The following CACNA2D4 variants were observed in gnomAD, a reference collection of about 807,000 sequenced individuals.
The protein encoded by CACNA2D4 is calcium voltage-gated channel auxiliary subunit alpha2delta 4, also known as voltage-dependent calcium channel subunit alpha-2/delta-4.
CACNA2D4 carries 157 observed loss-of-function variants against 163.8 expected under a neutral mutation model. The ratio of observed to expected loss-of-function variants is 0.96; its 90% CI spans 0.84 to 1.09. The LOEUF (loss-of-function observed/expected upper bound fraction) is 1.09, where lower values mean the gene tolerates loss of function less well. CACNA2D4 is among the 50% of genes least tolerant of loss of function. CACNA2D4 has a pLI of 0.00. For synonymous variants in CACNA2D4, 598 were observed against 586.9 expected, an observed-to-expected ratio of 1.02 and a Z score of -0.27; for missense variants, 1,410 against 1,479.9, an observed-to-expected ratio of 0.95 and a Z score of 0.78.
At chr12:1,832,295 T>C (rs1156920898) in intron 26 of CACNA2D4, among the ~76,000 whole-genome samples, 1 of 152,224 alleles carries the variant, frequency 6.6e-6, no homozygotes, top group African/African-American at 2.4e-5. Flanking sequence ...GGGCCTGGTC[T>C]GTAAAGTGGG....
At chr12:1,881,746 T>C (rs1248299324) in intron 13 of CACNA2D4, among the ~76,000 whole-genome samples, 2 of 152,252 alleles carry the variant, frequency 1.3e-5, no homozygotes, top group African/African-American at 4.8e-5. Flanking sequence ...AGCTCGTCTC[T>C]TCTCAGCAGC....
chr12:1,854,056 A>T lies in CACNA2D4; in HGVS notation c.2153-12T>A. 2 of 1,595,866 alleles carry T rather than the reference A, an allele frequency of 1.3e-6. No homozygotes were observed. Among genetic ancestry groups the T allele is most frequent in the Non-Finnish European group, 1.7e-6 (2 of 1,168,704 alleles). On this transcript the variant is annotated splice_polypyrimidine_tract_variant and intron_variant, in intron 22 of 37. Transcript: ENST00000382722. ...CAGCTCCTCGTCACCTGGGTGCAAA[A>T]CATCAGGGAACCAGGCCACATGCTT... is the stretch of plus-strand genomic sequence containing the variant.
intron 6 of CACNA2D4, among the ~76,000 whole-genome samples, chr12:1,898,677 C>CTGTGTGTGTGTG (rs148994217): frequency 4.0e-5 from 6 of 149,298 alleles, no homozygotes; most frequent in African/African-American, 1.2e-4. Context: ...TCCCACAACT[C>CTGTGTGTGTGTG]TGTGTGTGTG....
Position 1,837,519 on chromosome 12 carries a change from G to T in CACNA2D4, c.2551+3220C>A, listed in dbSNP as rs149686617. On this transcript the variant is annotated intron_variant, in intron 26 of 37. Transcript: ENST00000382722. ...AGCCCCACTGAAGAGCGAGCTCAACGCCCGGCCCGAGAACCCCCTCCTCAG... is the reference window on the plus strand; with the variant it reads ...AGCCCCACTGAAGAGCGAGCTCAACTCCCGGCCCGAGAACCCCCTCCTCAG... 3.7e-3 allele frequency among the ~76,000 whole-genome samples: 567 copies of T among 152,218 alleles called. 14 individuals are homozygous for T. In the South Asian group the frequency reaches 0.045, roughly 12 times the overall value.
At chr12:1,864,885 G>A (rs937685088) in intron 18 of CACNA2D4, among the ~76,000 whole-genome samples, 3 of 152,236 alleles carry the variant, frequency 2.0e-5, no homozygotes, top group Non-Finnish European at 2.9e-5. Flanking sequence ...AGGAAGAGTC[G>A]TATTCAGCTG....
At position 1,815,369 on chromosome 12, in the gene CACNA2D4, G is replaced by A. The variant is rs572596207; in HGVS notation, c.2552-3646C>T. On this transcript the variant is annotated intron_variant, in intron 26 of 37. Transcript: ENST00000382722. ...TGCCCTTCCCCTAGAACTTTACATGGCTGGCTCCTTCCCATCGTCAGGTCT... is the reference window on the plus strand; with the variant it reads ...TGCCCTTCCCCTAGAACTTTACATGACTGGCTCCTTCCCATCGTCAGGTCT... Among the ~76,000 whole-genome samples, 73 of 148,550 alleles carry A rather than the reference G, an allele frequency of 4.9e-4. 2 individuals carry two copies. The highest frequency in any genetic ancestry group is 3.4e-3 in the Middle Eastern group (1 of 290).
Position 1,806,558 on chromosome 12 carries a change from G to A in CACNA2D4, c.2721+3720C>T, listed in dbSNP as rs913162910. Among the ~76,000 whole-genome samples the A allele has an allele frequency of 4.6e-5, 7 of 152,162 alleles. No individual in the cohort carries two copies. Among genetic ancestry groups the A allele is most frequent in the Non-Finnish European group, 1.0e-4 (7 of 68,028 alleles). On this transcript the variant is annotated intron_variant, in intron 29 of 37. Transcript: ENST00000382722. The surrounding 1 kb of genome is among the most constrained non-coding windows in gnomAD (Gnocchi z 4.1). ...ACAGGCTTCTCTCTCCAGGCCCCTGGGTAAGCCCTAGCAGGGACAAGGAGT... is the reference window on the plus strand; with the variant it reads ...ACAGGCTTCTCTCTCCAGGCCCCTGAGTAAGCCCTAGCAGGGACAAGGAGT...
intron 22 of CACNA2D4, 95 bp from the exon 23 acceptor site, chr12:1,854,139 C>T (rs753927076): frequency 1.5e-5 from 13 of 866,266 alleles, no homozygotes; most frequent in Non-Finnish European, 2.3e-5. Flanking sequence ...GATGTGCTTC[C>T]TGAACGTGTC....
chr12:1,848,391 G>C (rs895203484), intron 23 of CACNA2D4, among the ~76,000 whole-genome samples: 3 of 152,204 alleles, frequency 2.0e-5, no homozygotes, highest in Non-Finnish European at 2.9e-5. Flanking sequence ...TGCATTGCCT[G>C]TCAACTGGCC....
chr12:1,892,566 A>G (rs1389037580), intron 6 of CACNA2D4, among the ~76,000 whole-genome samples: 1 of 152,216 alleles, frequency 6.6e-6, no homozygotes, highest in Non-Finnish European at 1.5e-5. Context: ...ACAATAAGAG[A>G]AAAAGAAAAG....
At chr12:1,830,985 C>T (rs1864598733) in intron 26 of CACNA2D4, 1 of 1,613,754 alleles carries the variant, frequency 6.2e-7, no homozygotes, top group African/African-American at 1.3e-5. Flanking sequence ...CCCCACCTGC[C>T]CTTTCTCCTG....
chr12:1,889,554 G>C (rs1866228168), intron 6 of CACNA2D4, among the ~76,000 whole-genome samples: 1 of 148,144 alleles, frequency 6.8e-6, no homozygotes, highest in Non-Finnish European at 1.5e-5. Context: ...CTGAACTCCT[G>C]GGCAAGGGAA....
chr12:1,839,173 G>A lies in CACNA2D4; in HGVS notation c.2551+1566C>T, dbSNP rs140458502. 6.6e-4 allele frequency among the ~76,000 whole-genome samples: 101 copies of A among 152,310 alleles called. No individual in the cohort carries two copies. The East Asian group carries it at 9.5e-3, about 14-fold the overall frequency. On this transcript the variant is annotated intron_variant, in intron 26 of 37. Coordinates refer to ENST00000382722, the MANE Select transcript of CACNA2D4 (RefSeq NM_172364.5). ...CCTTTGCCCTGACCCTGTCTGCTCCGTCCCCATCCTGCTGCGAGAGTCCTC... is the reference window on the plus strand; with the variant it reads ...CCTTTGCCCTGACCCTGTCTGCTCCATCCCCATCCTGCTGCGAGAGTCCTC...
At chr12:1,813,907 C>G (rs1160312797) in intron 26 of CACNA2D4, among the ~76,000 whole-genome samples, 1 of 152,182 alleles carries the variant, frequency 6.6e-6, no homozygotes, top group Non-Finnish European at 1.5e-5. Context: ...CCTCCTCCCG[C>G]TCATGTGCCC....
At chr12:1,817,728 C>T (rs1407144069) in intron 26 of CACNA2D4, among the ~76,000 whole-genome samples, 38 of 152,152 alleles carry the variant, frequency 2.5e-4, no homozygotes, top group Non-Finnish European at 3.8e-4. Flanking sequence ...GCGAGTGATC[C>T]GCCAGCCTCG....
In CACNA2D4 at chr12:1,834,453, G is replaced by A. The variant is rs767459179; in HGVS notation, c.2551+6286C>T. 2 of 1,611,608 alleles carry A rather than the reference G, an allele frequency of 1.2e-6. No individual in the cohort carries two copies. The highest frequency in any genetic ancestry group is 2.7e-5 in the African/African-American group (2 of 74,918). ...CCAGAGCCTGCTAAGCCCAAGCCCG[G>A]GGCTGAGCCGGAGCCGGAGCCCAGC... On this transcript the variant is annotated intron_variant, in intron 26 of 37. Transcript: ENST00000382722. This position sits in a 1 kb window ranked among gnomAD's most constrained non-coding sequence, Gnocchi z 7.6.
rs1864752224 is a variant in CACNA2D4, at chr12:1,834,236, G to C, written c.2551+6503C>G. ...AGGGAGTGCAAGTTCTAGATGCCTG[G>C]TCAGCCCCTCTTTTTCTCTTCTGCA... On this transcript the variant is annotated intron_variant, in intron 26 of 37. Coordinates refer to ENST00000382722, the MANE Select transcript of CACNA2D4 (RefSeq NM_172364.5). The surrounding 1 kb of genome is among the most constrained non-coding windows in gnomAD (Gnocchi z 7.6). 1 of 1,526,208 alleles carries C rather than the reference G, an allele frequency of 6.6e-7. No homozygotes were observed. Among genetic ancestry groups the C allele is most frequent in the African/African-American group, 1.4e-5 (1 of 72,390 alleles). 94.5% of individuals were successfully genotyped at this position (1,526,208 alleles called of 1,614,324 possible).
intron 6 of CACNA2D4, among the ~76,000 whole-genome samples, chr12:1,904,303 A>C (rs1449459706): frequency 2.6e-5 from 4 of 152,054 alleles, no homozygotes; most frequent in Admixed American, 6.5e-5. Context: ...CTAGTATTTG[A>C]TAGCACAACA....
chr12:1,893,288 C>T (rs937813697), intron 6 of CACNA2D4, among the ~76,000 whole-genome samples: 7 of 152,022 alleles, frequency 4.6e-5, no homozygotes, highest in African/African-American at 1.7e-4. Context: ...GGGGCTGAGG[C>T]GGGTGGATCA....
Sources: gnomAD v4.1 joint callset for allele counts (sites outside exome capture counted in the v4.1 genomes callset) on GRCh38, gnomAD v4.1.1 for gene constraint, Gnocchi (gnomAD v3.1) non-coding constraint, MANE v1.5 for transcripts, NCBI Gene and HGNC (gene_info 2026-07-23, HGNC 2026-07-21) for gene names.